SHISA9: variants seen among roughly 807,000 people sequenced by gnomAD.
SHISA9 encodes the protein shisa family member 9.
A neutral mutation model predicts 38.0 loss-of-function variants in SHISA9; 13 were observed. That is an observed-to-expected ratio of 0.34 (90% CI 0.22 to 0.54). SHISA9 has a LOEUF of 0.54. Among genes scored for constraint, SHISA9 ranks in the 20% least tolerant of loss-of-function variants. The probability of loss-of-function intolerance (pLI) is 0.91; values close to 1 mark genes in which losing one functional copy is unlikely to be tolerated. For synonymous variants in SHISA9, 275 were observed against 242.0 expected (o/e 1.14, Z -1.27); for missense variants, 538 against 575.8 (o/e 0.93, Z 0.67).
At chr16:13,494,407 C>T in the SHISA9 span, among the ~76,000 whole-genome samples, 22 of 150,452 alleles carry the variant, frequency 1.5e-4, no homozygotes, top group African/African-American at 5.1e-4. Flanking sequence ...GATAGACAAA[C>T]ACCAAGACTG....
intron 3 of SHISA9, among the ~76,000 whole-genome samples, chr16:13,210,457 A>T (rs1177934264): frequency 1.3e-5 from 2 of 152,192 alleles, no homozygotes; most frequent in African/African-American, 4.8e-5. Context: ...ATTAAAAAAA[A>T]ATTGTCTGTG....
chr16:13,319,801 TA>T, the SHISA9 span, among the ~76,000 whole-genome samples: 137 of 138,580 alleles, frequency 9.9e-4, no homozygotes, highest in Admixed American at 1.4e-3. Flanking sequence ...ACAGAGCTGT[TA>T]AAAAAAAAAA....
the SHISA9 span, among the ~76,000 whole-genome samples, chr16:13,290,864 C>T: frequency 3.9e-5 from 6 of 152,256 alleles, no homozygotes; most frequent in East Asian, 7.7e-4. Flanking sequence ...TCATTTTACT[C>T]GCTTATAAAC....
intron 2 of SHISA9, among the ~76,000 whole-genome samples, chr16:12,966,974 T>A (rs796873544): frequency 6.6e-6 from 1 of 152,164 alleles, no homozygotes; most frequent in Non-Finnish European, 1.5e-5. Flanking sequence ...CTTGTGATGA[T>A]CTCTGGGGAG....
At chr16:13,388,797 A>G in the SHISA9 span, among the ~76,000 whole-genome samples, 1 of 152,134 alleles carries the variant, frequency 6.6e-6, no homozygotes, top group African/African-American at 2.4e-5. Flanking sequence ...AACAAAAGAA[A>G]GGACCTCATT....
At chr16:13,188,734 A>AG (rs2050853745) in intron 2 of SHISA9, among the ~76,000 whole-genome samples, 1 of 151,588 alleles carries the variant, frequency 6.6e-6, no homozygotes, top group South Asian at 2.1e-4. Flanking sequence ...AAAAAAAAAA[A>AG]AAAAGGTATG....
chr16:13,137,548 C>T (rs188192292), intron 2 of SHISA9, among the ~76,000 whole-genome samples: 59 of 149,184 alleles, frequency 4.0e-4, no homozygotes, highest in African/African-American at 1.2e-3. Flanking sequence ...GTCCGCCTCC[C>T]GGGTTCAAGT....
chr16:13,559,448 G>C, the SHISA9 span, among the ~76,000 whole-genome samples: 1 of 150,982 alleles, frequency 6.6e-6, no homozygotes, highest in African/African-American at 2.4e-5. Flanking sequence ...CACAATCATA[G>C]CTCATTGCAG....
At chr16:13,244,881 G>A (rs1430446756), downstream of SHISA9, among the ~76,000 whole-genome samples, 2 of 152,186 alleles carry the variant, frequency 1.3e-5, no homozygotes, top group East Asian at 1.9e-4. Context: ...AAAGTCCCAG[G>A]TCGGTGCTAA....
chr16:13,562,954 A>C, the SHISA9 span: 1 of 152,222 alleles, frequency 6.6e-6, no homozygotes, highest in Non-Finnish European at 1.5e-5. Context: ...CATGCTCTGC[A>C]GAACACTCGT....
At chr16:13,290,828 G>A in the SHISA9 span, among the ~76,000 whole-genome samples, 102 of 152,268 alleles carry the variant, frequency 6.7e-4, no homozygotes, top group African/African-American at 2.4e-3. Context: ...TCATCACACA[G>A]ATGAAGGAAT....
intron 2 of SHISA9, among the ~76,000 whole-genome samples, chr16:12,917,902 A>G (rs2071279272): frequency 6.6e-6 from 1 of 152,150 alleles, no homozygotes; most frequent in South Asian, 2.1e-4. Flanking sequence ...GCAAATTCTT[A>G]TGCTCAGTGG....
intron 2 of SHISA9, among the ~76,000 whole-genome samples, chr16:13,186,407 C>T (rs1048102735): frequency 1.3e-5 from 2 of 148,370 alleles, no homozygotes; most frequent in Admixed American, 6.9e-5. Context: ...AAGCAATTCT[C>T]CTGCCTCAGC....
At chr16:13,349,769 TA>T in the SHISA9 span, among the ~76,000 whole-genome samples, 15 of 152,218 alleles carry the variant, frequency 9.9e-5, no homozygotes, top group African/African-American at 2.7e-4. Flanking sequence ...GAAGGTGTAG[TA>T]ATAAATTTCA....
chr16:13,485,433 G>A, the SHISA9 span, among the ~76,000 whole-genome samples: 1 of 152,092 alleles, frequency 6.6e-6, no homozygotes, highest in Non-Finnish European at 1.5e-5. Flanking sequence ...TCTTTATCCA[G>A]TCTATCATTG....
At chr16:13,047,541 C>T (rs532959962) in intron 2 of SHISA9, among the ~76,000 whole-genome samples, 111 of 152,246 alleles carry the variant, frequency 7.3e-4, no homozygotes, top group Middle Eastern at 3.4e-3. Context: ...TGATCCAGGA[C>T]CTGGGGATTG....
At chr16:13,261,485 C>T in the SHISA9 span, among the ~76,000 whole-genome samples, 1 of 152,146 alleles carries the variant, frequency 6.6e-6, no homozygotes, top group Non-Finnish European at 1.5e-5. Flanking sequence ...GGGTCCAATG[C>T]AAACTGAGGT....
chr16:13,371,697 T>G, the SHISA9 span, among the ~76,000 whole-genome samples: 1 of 152,240 alleles, frequency 6.6e-6, no homozygotes, highest in African/African-American at 2.4e-5. Context: ...AATACTTATT[T>G]TGGCATCAGT....
intron 2 of SHISA9, among the ~76,000 whole-genome samples, chr16:13,123,538 T>C (rs543542870): frequency 1.3e-3 from 192 of 152,362 alleles, no homozygotes; most frequent in African/African-American, 4.3e-3. Flanking sequence ...AGAAGTGCTA[T>C]ACTGAATGGC....
Sources: gnomAD v4.1 joint callset for allele counts (sites outside exome capture counted in the v4.1 genomes callset) on GRCh38, gnomAD v4.1.1 for gene constraint, MANE v1.5 for transcripts, NCBI Gene and HGNC (gene_info 2026-07-23, HGNC 2026-07-21) for gene names.